Variants in PHYHD1 observed in about 807,000 individuals in gnomAD.
The protein encoded by PHYHD1 is phytanoyl-CoA dioxygenase domain-containing protein 1.
PHYHD1 carries 42 observed loss-of-function variants against 43.6 expected under a neutral mutation model. The observed-to-expected ratio is 0.96, with a 90% CI of 0.75 to 1.25. The LOEUF is 1.25. Ranked by LOEUF, PHYHD1 falls within the 50% of genes most tolerant of loss-of-function variation. The pLI, the probability that PHYHD1 is intolerant of heterozygous loss-of-function variation, is 0.00. For synonymous variants in PHYHD1, 139 were observed against 143.6 expected (o/e 0.97, Z 0.23); for missense variants, 342 against 370.8 (o/e 0.92, Z 0.64).
In PHYHD1 at chr9:128,932,166, A is replaced by ATTATTTTT. The variant is rs1564540372; in HGVS notation, c.193-1614_193-1613insATTTTTTT. ...AGTCAGTTCTATTATTATTATTATT[A>ATTATTTTT]TTGTTATTATTATTATTATTTTTTT... On this transcript the variant is annotated intron_variant, in intron 4 of 12. Transcript: ENST00000372592. Among the ~76,000 whole-genome samples, 33 of 122,700 alleles carry ATTATTTTT rather than the reference A, an allele frequency of 2.7e-4. 2 individuals carry two copies. The highest frequency in any genetic ancestry group is 1.1e-3 in the African/African-American group (31 of 28,700). 80.5% of individuals were successfully genotyped at this position (122,700 alleles called of 152,430 possible). A position where few individuals can be genotyped will look rare whatever the true frequency, so the allele number is the denominator to read the frequency against.
In PHYHD1 at chr9:128,941,587, G is replaced by C; in HGVS notation, c.830+16G>C. On this transcript the variant is annotated intron_variant, in intron 12 of 12. Transcript: ENST00000372592. ...CGGAGAACTGGTAGGTGACAGGGTG[G>C]GTGTGTGTGCCCGACAGTCCCCTGG... 3 of 1,614,122 alleles carry C rather than the reference G, an allele frequency of 1.9e-6. No homozygotes were observed. Among genetic ancestry groups the C allele is most frequent in the Non-Finnish European group, 2.5e-6 (3 of 1,180,012 alleles).
chr9:128,941,513 C>G lies in PHYHD1; in HGVS notation c.772C>G (p.Gln258Glu). The change falls in exon 12 of 13, where the codon CAG becomes GAG. Residue 258 changes from glutamine (Q) to glutamate (E), a missense_variant. By Grantham distance (29) the Gln-to-Glu change is conservative. Coordinates refer to ENST00000372592, the MANE Select transcript of PHYHD1 (RefSeq NM_001100876.2). Reference protein sequence around the residue: ...SKQNLSDRSRQAYTFHLMEAS... With the variant: ...SKQNLSDRSREAYTFHLMEAS... ...GCAGAACCTCTCTGACCGCTCGCGC[C>G]AGGCCTACACTTTCCACCTCATGGA... The G allele has an allele frequency of 6.2e-7, 1 of 1,614,082 alleles. No individual in the cohort carries two copies. Among genetic ancestry groups the G allele is most frequent in the African/African-American group, 1.3e-5 (1 of 74,998 alleles).
intron 4 of PHYHD1, among the ~76,000 whole-genome samples, chr9:128,932,708 G>T (rs551513998): frequency 1.6e-5 from 1 of 63,414 alleles, no homozygotes; most frequent in Admixed American, 1.7e-4. Context: ...CACTATGTTT[G>T]CCAGGTTGGT....
chr9:128,941,598 C>CCGA (rs1259677861), intron 12 of PHYHD1, 27 bp downstream of exon 12: 1 of 1,614,134 alleles, frequency 6.2e-7, no homozygotes, highest in East Asian at 2.2e-5. Flanking sequence ...GTGTGTGTGC[C>CCGA]CGACAGTCCC....
At position 128,920,995 on chromosome 9, in the gene PHYHD1, C is replaced by A. The variant is rs1840985833; in HGVS notation, c.-833C>A. On this transcript the variant is annotated 5_prime_UTR_variant, in exon 1 of 13. Coordinates refer to ENST00000372592, the MANE Select transcript of PHYHD1 (RefSeq NM_001100876.2). ...TGTCCCTTCGCCATTCAGAAGGCAT[C>A]ATTTTGGGGAAGGCAGCAGCCGGTT... is the stretch of plus-strand genomic sequence containing the variant. 6.6e-6 allele frequency: 1 copy of A among 152,254 alleles called. No homozygotes were observed. The highest frequency in any genetic ancestry group is 1.5e-5 in the Non-Finnish European group (1 of 68,082). The allele number at this position is 152,254 out of a possible 1,614,324, so 9.4% of individuals were successfully genotyped here.
intron 4 of PHYHD1, among the ~76,000 whole-genome samples, chr9:128,933,150 CT>C (rs751550740): frequency 0.013 from 1,339 of 104,222 alleles, 9 homozygotes; most frequent in African/African-American, 0.042. Flanking sequence ...TGCACCCAGA[CT>C]TTTTTTTTTT....
intron 4 of PHYHD1, among the ~76,000 whole-genome samples, chr9:128,930,773 C>T (rs1010365310): frequency 3.3e-5 from 5 of 151,968 alleles, no homozygotes; most frequent in African/African-American, 1.2e-4. Flanking sequence ...CACAGTGAAA[C>T]CCCATCTCTA....
rs73624815 is a variant in PHYHD1 at position 128,922,361 on chromosome 9, G to C, written c.33+5G>C. The stretch of plus-strand genomic sequence containing the variant: ...AGCCCCTCGCAGCTCCAGAAGGTAG[G>C]AGCCTGCAAGTCGGGGCCGGGAGGG... On this transcript the variant is annotated splice_donor_5th_base_variant and intron_variant, in intron 3 of 12. Coordinates refer to ENST00000372592, the MANE Select transcript of PHYHD1 (RefSeq NM_001100876.2). The C allele has an allele frequency of 6.5e-6, 10 of 1,548,894 alleles. No homozygotes were observed. The African/African-American group carries it at 6.9e-5, about 11-fold the overall frequency.
chr9:128,929,072 T>C (rs1000332648), intron 4 of PHYHD1, among the ~76,000 whole-genome samples: 4 of 152,186 alleles, frequency 2.6e-5, no homozygotes, highest in Admixed American at 2.6e-4. Flanking sequence ...CTCATGCCTG[T>C]AATCCCAGCA....
At chr9:128,931,189 G>T (rs1294483995) in intron 4 of PHYHD1, among the ~76,000 whole-genome samples, 1 of 151,996 alleles carries the variant, frequency 6.6e-6, no homozygotes, top group African/African-American at 2.4e-5. Context: ...TCAGCTCACT[G>T]CAATCTCCAC....
At chr9:128,922,201 G>A in intron 2 of PHYHD1, 82 bp from the exon 3 acceptor site, 3 of 1,163,646 alleles carry the variant, frequency 2.6e-6, no homozygotes, top group Non-Finnish European at 3.7e-6. Flanking sequence ...AGGGAAGGAG[G>A]GTTGGGTGGT....
In PHYHD1 at chr9:128,934,006, C is replaced by CTTTATCTCTGCACAAAGA. The variant is rs769556221; in HGVS notation, c.269-5_269-4insTTTATCTCTGCACAAAGA. On this transcript the variant is annotated splice_polypyrimidine_tract_variant and splice_region_variant and intron_variant, in intron 5 of 12. Coordinates refer to ENST00000372592, the MANE Select transcript of PHYHD1 (RefSeq NM_001100876.2). ...CTCTGCCTTTATCTGTTCTTTGTGC[C>CTTTATCTCTGCACAAAGA]ACAGGAAATTTCCTGGTCCCTCCGG... The CTTTATCTCTGCACAAAGA allele has an allele frequency of 6.2e-7, 1 of 1,613,858 alleles. No individual in the cohort carries two copies. Among genetic ancestry groups the CTTTATCTCTGCACAAAGA allele is most frequent in the South Asian group, 1.1e-5 (1 of 91,070 alleles).
rs555697946 is a variant in PHYHD1 at position 128,938,277 on chromosome 9, C to T, written c.457+499C>T. On this transcript the variant is annotated intron_variant, in intron 9 of 12. Transcript: ENST00000372592. Reference sequence around the variant, plus strand: ...GAGCCAAGATCACACCACTGCACTCCAGCCTGGGTGACAGAGTGAGACTCT... The same window carrying T: ...GAGCCAAGATCACACCACTGCACTCTAGCCTGGGTGACAGAGTGAGACTCT... Among the ~76,000 whole-genome samples, 3 of 152,194 alleles carry T rather than the reference C, an allele frequency of 2.0e-5. No individual in the cohort carries two copies. The East Asian group carries it at 5.8e-4, about 29-fold the overall frequency.
chr9:128,933,041 G>C (rs1367204458), intron 4 of PHYHD1, among the ~76,000 whole-genome samples: 1 of 148,226 alleles, frequency 6.7e-6, no homozygotes, highest in African/African-American at 2.5e-5. Flanking sequence ...TAGTAGAGAC[G>C]GGGATTTCAC....
chr9:128,930,981 T>G (rs185228766), intron 4 of PHYHD1, among the ~76,000 whole-genome samples: 3 of 151,504 alleles, frequency 2.0e-5, no homozygotes, highest in Admixed American at 2.0e-4. Flanking sequence ...CTCAATTTCT[T>G]CTTCTATAAA....
At chr9:128,933,668 A>AG in intron 4 of PHYHD1, 114 bp from the exon 5 acceptor site, 1 of 1,137,624 alleles carries the variant, frequency 8.8e-7, no homozygotes, top group South Asian at 1.2e-5. Flanking sequence ...AGAAGCCCCC[A>AG]GGGTGTCTGT....
intron 9 of PHYHD1, 95 bp downstream of exon 9, chr9:128,937,873 C>T: frequency 6.3e-7 from 1 of 1,598,128 alleles, no homozygotes; most frequent in Non-Finnish European, 8.5e-7. Flanking sequence ...AAAGCGCTTG[C>T]TCCTGTCTGT....
chr9:128,936,972 G>A (rs570196156), intron 8 of PHYHD1, among the ~76,000 whole-genome samples: 4 of 152,158 alleles, frequency 2.6e-5, no homozygotes, highest in South Asian at 4.1e-4. Context: ...AAAATTAGCC[G>A]GGCGTGATGG....
At position 128,922,309 on chromosome 9, in the gene PHYHD1, G is replaced by A; in HGVS notation, c.-15G>A. On this transcript the variant is annotated 5_prime_UTR_variant, in exon 3 of 13. Coordinates refer to ENST00000372592, the MANE Select transcript of PHYHD1 (RefSeq NM_001100876.2). Reference sequence around the variant, plus strand: ...AGGCCGCGCTTAGAAGCCGCCCAGTGCCCTGAGCGTCTCCATGGCCTGCCT... The same window carrying A: ...AGGCCGCGCTTAGAAGCCGCCCAGTACCCTGAGCGTCTCCATGGCCTGCCT... The A allele has an allele frequency of 1.3e-6, 2 of 1,551,310 alleles. No homozygotes were observed. The highest frequency in any genetic ancestry group is 1.7e-6 in the Non-Finnish European group (2 of 1,147,270).
Sources: allele counts gnomAD v4.1 joint callset (sites outside exome capture counted in the v4.1 genomes callset), GRCh38; gene constraint gnomAD v4.1.1; transcripts MANE v1.5; gene names NCBI Gene and HGNC (gene_info 2026-07-23, HGNC 2026-07-21).